DNAH3: variants seen among roughly 807,000 people sequenced by gnomAD.
DNAH3 encodes axonemal beta dynein heavy chain 3.
Under a neutral mutation model 432.5 loss-of-function variants are expected in DNAH3, and 332 were observed. That is an observed-to-expected ratio of 0.77 (90% CI 0.70 to 0.84). DNAH3 has a LOEUF of 0.84. Among genes scored for constraint, DNAH3 ranks in the 40% least tolerant of loss-of-function variants. The probability of loss-of-function intolerance (pLI) is 0.00; values close to 1 mark genes in which losing one functional copy is unlikely to be tolerated. For synonymous variants in DNAH3, 1,956 were observed against 1,900.2 expected (o/e 1.03, Z -0.76); for missense variants, 4,861 against 5,114.0 (o/e 0.95, Z 1.51).
At chr16:21,145,794 T>C (rs1229978548) in intron 2 of DNAH3, among the ~76,000 whole-genome samples, 190 bp downstream of exon 3, 7 of 152,156 alleles carry the variant, frequency 4.6e-5, no homozygotes, top group Admixed American at 4.6e-4. Context: ...CTTTGGACAA[T>C]GGCATAGCTC....
exon 6 of DNAH3, chr16:21,136,479 T>C: frequency 6.2e-7 from 1 of 1,614,180 alleles, no homozygotes; most frequent in Non-Finnish European, 8.5e-7. Context: ...AATCATGTCT[T>C]TGCGAATTCC....
chr16:21,127,607 C>G (rs900808910), intron 8 of DNAH3, 80 bp downstream of exon 9: 17 of 1,533,302 alleles, frequency 1.1e-5, no homozygotes, highest in Non-Finnish European at 1.5e-5. Flanking sequence ...AAACCCCAGG[C>G]TGGGTACCAG....
At chr16:21,118,000 G>GT (rs1033444684) in intron 11 of DNAH3, among the ~76,000 whole-genome samples, 13 of 151,514 alleles carry the variant, frequency 8.6e-5, no homozygotes, top group Non-Finnish European at 1.6e-4. Context: ...GTTTTGTTTT[G>GT]TTTTTTTGAG....
intron 7 of DNAH3, among the ~76,000 whole-genome samples, chr16:21,132,653 T>C (rs1163520920): frequency 6.6e-6 from 1 of 152,212 alleles, no homozygotes; most frequent in East Asian, 1.9e-4. Flanking sequence ...AGATCATATA[T>C]TGCATGATTC....
intron 1 of DNAH3, among the ~76,000 whole-genome samples, chr16:21,149,015 G>C (rs2092820924): frequency 6.6e-6 from 1 of 152,120 alleles, no homozygotes; most frequent in South Asian, 2.1e-4. Flanking sequence ...TGGATCACTT[G>C]AGGCCAGGAG....
chr16:21,005,475 G>T (rs1016178184), intron 41 of DNAH3, among the ~76,000 whole-genome samples: 1 of 151,816 alleles, frequency 6.6e-6, no homozygotes, highest in Non-Finnish European at 1.5e-5. Context: ...TCAACCTCCC[G>T]GGCTCAAGCA....
intron 1 of DNAH3, chr16:21,158,537 GC>G (rs2092916210): frequency 6.6e-6 from 1 of 152,404 alleles, no homozygotes; most frequent in African/African-American, 2.4e-5. Flanking sequence ...TGGGCGCCGG[GC>G]CTTGGCGCGC....
intron 1 of DNAH3, among the ~76,000 whole-genome samples, chr16:21,154,457 CTGTG>C (rs2092885970): frequency 6.6e-6 from 1 of 152,054 alleles, no homozygotes; most frequent in Non-Finnish European, 1.5e-5. Flanking sequence ...ACCCTATGGC[CTGTG>C]TGTGAGTAGG....
At chr16:21,154,951 C>CTTTTTTT (rs772054168) in intron 1 of DNAH3, among the ~76,000 whole-genome samples, 1 of 134,680 alleles carries the variant, frequency 7.4e-6, no homozygotes, top group Non-Finnish European at 1.6e-5. Context: ...TTCTTTCTTT[C>CTTTTTTT]TTTTTTTTTT....
chr16:21,143,607 A>G (rs1390430457), intron 3 of DNAH3, among the ~76,000 whole-genome samples: 4 of 152,354 alleles, frequency 2.6e-5, no homozygotes, highest in African/African-American at 9.6e-5. Flanking sequence ...CAATTAGAGC[A>G]GCAAACTTAA....
At chr16:21,124,043 C>T (rs749385230) in intron 9 of DNAH3, among the ~76,000 whole-genome samples, 2 of 152,168 alleles carry the variant, frequency 1.3e-5, no homozygotes, top group Non-Finnish European at 2.9e-5. Flanking sequence ...CTGCCTGCCT[C>T]GGTCTCCCAA....
At chr16:20,984,902 C>T (rs1020083656) in intron 48 of DNAH3, among the ~76,000 whole-genome samples, 147 bp downstream of exon 48, 2 of 151,936 alleles carry the variant, frequency 1.3e-5, no homozygotes, top group African/African-American at 4.8e-5. Context: ...AAAAAAGTTG[C>T]CAGAGGAACT....
At chr16:20,959,264 A>C (rs751000676) in exon 54 of DNAH3, 1 of 1,614,090 alleles carries the variant, frequency 6.2e-7, no homozygotes, top group Non-Finnish European at 8.5e-7. Flanking sequence ...GCCAGGTGGC[A>C]GTTCTGTAAG....
At chr16:21,055,246 G>C (rs1172362595) in intron 27 of DNAH3, among the ~76,000 whole-genome samples, 1 of 152,144 alleles carries the variant, frequency 6.6e-6, no homozygotes, top group Non-Finnish European at 1.5e-5. Flanking sequence ...AGTAGAGATG[G>C]GGTTTTGCCA....
At chr16:21,134,135 A>AT (rs1483699179) in intron 7 of DNAH3, 124 bp downstream of exon 8, 958 of 977,438 alleles carry the variant, frequency 9.8e-4, no homozygotes, top group Non-Finnish European at 1.1e-3. Flanking sequence ...TTTGGCCTAG[A>AT]TTTTTTTTTC....
Position 21,111,932 on chromosome 16 carries a change from C to A in DNAH3, c.1920+61G>T. On this transcript the variant is annotated intron_variant, in intron 13 of 61. Coordinates refer to ENST00000261383, the Ensembl canonical transcript of DNAH3. The stretch of plus-strand genomic sequence containing the variant: ...CTATGCACCAAAGAGACACTAACTG[C>A]TCATTGGATTGTCTGCAGCACATGT... The A allele has an allele frequency of 2.6e-6, 4 of 1,554,250 alleles. No homozygotes were observed. In the South Asian group the frequency reaches 3.4e-5, roughly 13 times the overall value.
intron 44 of DNAH3, among the ~76,000 whole-genome samples, chr16:20,992,536 C>G (rs1248515252): frequency 6.6e-6 from 1 of 152,064 alleles, no homozygotes; most frequent in African/African-American, 2.4e-5. Flanking sequence ...TTAGTAGAGA[C>G]GGGGTTTCAC....
intron 20 of DNAH3, among the ~76,000 whole-genome samples, chr16:21,079,290 T>C (rs1224120409): frequency 6.6e-6 from 1 of 152,164 alleles, no homozygotes; most frequent in Non-Finnish European, 1.5e-5. Context: ...AGAATAATAT[T>C]AGGACGGTAG....
intron 61 of DNAH3, among the ~76,000 whole-genome samples, 162 bp from the exon 62 acceptor site, chr16:20,933,669 A>C (rs955612339): frequency 2.6e-5 from 4 of 152,202 alleles, no homozygotes; most frequent in Non-Finnish European, 5.9e-5. Context: ...ATTCCTGCCC[A>C]CCATACATGG....
Sources: allele counts gnomAD v4.1 joint callset (sites outside exome capture counted in the v4.1 genomes callset), GRCh38; gene constraint gnomAD v4.1.1; transcripts MANE v1.5; gene names NCBI Gene and HGNC (gene_info 2026-07-23, HGNC 2026-07-21).